The following ABR variants were observed in gnomAD, a reference collection of about 807,000 sequenced individuals.
The protein encoded by ABR is ABR activator of RhoGEF and GTPase.
ABR carries 35 observed loss-of-function variants against 107.2 expected under a neutral mutation model. The ratio of observed to expected loss-of-function variants is 0.33; its 90% confidence interval spans 0.25 to 0.43. The LOEUF (loss-of-function observed/expected upper bound fraction) is 0.43, where lower values mean the gene tolerates loss of function less well. Ranked by LOEUF, ABR falls within the 20% of genes least tolerant of loss-of-function variation. The pLI is 1.00. For synonymous variants in ABR, 498 were observed against 462.0 expected (o/e 1.08, Z -1.00); for missense variants, 815 against 1,115.2 (o/e 0.73, Z 3.83).
chr17:1,017,910 A>T (rs977797880), intron 16 of ABR, among the ~76,000 whole-genome samples: 3 of 149,530 alleles, frequency 2.0e-5, no homozygotes, highest in Non-Finnish European at 4.5e-5. Context: ...GCCTGTATTT[A>T]TTTTTCTAGA....
At chr17:1,117,081 G>T (rs2039024817) in intron 2 of ABR, among the ~76,000 whole-genome samples, 1 of 152,024 alleles carries the variant, frequency 6.6e-6, no homozygotes. Context: ...AGAAGAGGCT[G>T]CAGTTCCTCC....
chr17:1,137,993 T>C (rs1428824591), intron 1 of ABR, among the ~76,000 whole-genome samples: 1 of 151,348 alleles, frequency 6.6e-6, no homozygotes, highest in Non-Finnish European at 1.5e-5. Context: ...CTCCGCCTCC[T>C]GGGTTCAAGC....
rs2070011043 is a variant in ABR, at chr17:1,006,133, T to C, written c.2527A>G (p.Ile843Val). The stretch of plus-strand genomic sequence containing the variant: ...TTCCGCTTGAGTTCTGCGAAGGAAA[T>C]GGGGGGGTGCTGCAGGTAGTAGAGG... ...VLLYYLQHPP[I>V]SFAELKRNTL... Residue 843 changes from isoleucine (I) to valine (V), a missense_variant, in exon 23 of 23, where the codon ATT (isoleucine) becomes GTT (valine). Coordinates refer to ENST00000302538, the MANE Select transcript of ABR (RefSeq NM_021962.5). 1 of 1,587,686 alleles carries C rather than the reference T, an allele frequency of 6.3e-7. No individual in the cohort carries two copies. The highest frequency in any genetic ancestry group is 8.6e-7 in the Non-Finnish European group (1 of 1,166,938).
chr17:1,058,907 G>A (rs368473099), intron 10 of ABR, 40 bp from the exon 11 acceptor site: 43 of 1,611,184 alleles, frequency 2.7e-5, no homozygotes, highest in South Asian at 3.3e-5. Flanking sequence ...CCTCACACTC[G>A]GGCCTTTCTC....
At position 1,148,444 on chromosome 17, in the gene ABR, C is replaced by T. The variant is rs75155200; in HGVS notation, c.62-23077G>A. Among the ~76,000 whole-genome samples, 5,377 of 152,190 alleles carry T rather than the reference C, an allele frequency of 0.035. 131 individuals carry two copies. Among genetic ancestry groups the T allele is most frequent in the Middle Eastern group, 0.068 (20 of 292 alleles). On this transcript the variant is annotated intron_variant, in intron 1 of 22. Transcript: ENST00000302538. This position sits in a 1 kb window ranked among gnomAD's most constrained non-coding sequence, Gnocchi z 4.9. Reference sequence around the variant, plus strand: ...GGCCAGGAGCTGGGGGCTGGAGAAACGGGGAGCTGTTGTTCAATACAGGGG... The same window carrying T: ...GGCCAGGAGCTGGGGGCTGGAGAAATGGGGAGCTGTTGTTCAATACAGGGG...
intron 1 of ABR, among the ~76,000 whole-genome samples, chr17:1,159,902 G>A (rs529888194): frequency 2.5e-4 from 38 of 152,366 alleles, no homozygotes; most frequent in African/African-American, 9.1e-4. Context: ...AGTCAGACCT[G>A]TGGGAGCCCC....
intron 2 of ABR, among the ~76,000 whole-genome samples, chr17:1,113,983 A>T (rs963901715): frequency 1.3e-5 from 2 of 151,132 alleles, no homozygotes; most frequent in East Asian, 3.9e-4. Flanking sequence ...GCTGGGCAAC[A>T]TGGCAAGACC....
At chr17:1,080,832 G>T (rs994516922) in intron 5 of ABR, among the ~76,000 whole-genome samples, 2 of 152,134 alleles carry the variant, frequency 1.3e-5, no homozygotes, top group African/African-American at 4.8e-5. Flanking sequence ...CCCAGATTTC[G>T]GGAATGTTTC....
At position 1,070,227 on chromosome 17, in the gene ABR, G is replaced by A; in HGVS notation, c.895-137C>T. 2 of 1,185,296 alleles carry A rather than the reference G, an allele frequency of 1.7e-6. No individual in the cohort carries two copies. Among genetic ancestry groups the A allele is most frequent in the Non-Finnish European group, 1.2e-6 (1 of 848,560 alleles). The allele number at this position is 1,185,296 out of a possible 1,614,324, so 73.4% of individuals were successfully genotyped here. A position where few individuals can be genotyped will look rare whatever the true frequency, so the allele number is the denominator to read the frequency against. Reference sequence around the variant, plus strand: ...GCCTGTCATCCCTTAACCAAAGGTGGTTCAAGCACTGCCTTTGGAGTCACA... The same window carrying A: ...GCCTGTCATCCCTTAACCAAAGGTGATTCAAGCACTGCCTTTGGAGTCACA... On this transcript the variant is annotated intron_variant, in intron 8 of 22. Coordinates refer to ENST00000302538, the MANE Select transcript of ABR (RefSeq NM_021962.5). The surrounding 1 kb of genome is among the most constrained non-coding windows in gnomAD (Gnocchi z 4.2).
chr17:1,058,136 C>CATT, intron 11 of ABR, 91 bp from the exon 12 acceptor site: 4 of 318,116 alleles, frequency 1.3e-5, no homozygotes, highest in Non-Finnish European at 1.7e-5. Context: ...CTCCTTTTAT[C>CATT]TTTTTTTTTT....
rs1298924074 is a variant in ABR at position 1,071,927 on chromosome 17, GGA to G, written c.894+685_894+686del. On this transcript the variant is annotated intron_variant, in intron 8 of 22. Coordinates refer to ENST00000302538, the MANE Select transcript of ABR (RefSeq NM_021962.5). This position sits in a 1 kb window ranked among gnomAD's most constrained non-coding sequence, Gnocchi z 5.1. ...GGATTGTTATTATTATTTCTGAGATGGAGTCTCACTCTGTCACCCAGGCTGGA... is the reference window on the plus strand; with the variant it reads ...GGATTGTTATTATTATTTCTGAGATGGTCTCACTCTGTCACCCAGGCTGGA... Among the ~76,000 whole-genome samples the G allele has an allele frequency of 6.6e-6, 1 of 152,156 alleles. No homozygotes were observed. Among genetic ancestry groups the G allele is most frequent in the Non-Finnish European group, 1.5e-5 (1 of 68,020 alleles).
intron 16 of ABR, among the ~76,000 whole-genome samples, chr17:1,036,386 C>T (rs955271027): frequency 6.6e-6 from 1 of 152,160 alleles, no homozygotes; most frequent in African/African-American, 2.4e-5. Context: ...CTGCCAAGAA[C>T]ACTCCCTCTC....
Position 1,011,373 on chromosome 17 carries a change from T to G in ABR, c.2101+473A>C. Reference sequence around the variant, plus strand: ...CAGTGCAGGTTTCTTGACAGTGGGGTATGTGGCTGCTGCACCTGAACCAGC... The same window carrying G: ...CAGTGCAGGTTTCTTGACAGTGGGGGATGTGGCTGCTGCACCTGAACCAGC... On this transcript the variant is annotated intron_variant, in intron 19 of 22. Transcript: ENST00000302538. This position sits in a 1 kb window ranked among gnomAD's most constrained non-coding sequence, Gnocchi z 4.8. 5.9e-6 allele frequency: 1 copy of G among 169,168 alleles called. No homozygotes were observed. The highest frequency in any genetic ancestry group is 5.7e-5 in the Admixed American group (1 of 17,422). 10.5% of individuals were successfully genotyped at this position (169,168 alleles called of 1,614,324 possible).
intron 16 of ABR, among the ~76,000 whole-genome samples, chr17:1,033,683 T>G (rs1286437033): frequency 6.6e-6 from 1 of 152,162 alleles, no homozygotes; most frequent in Non-Finnish European, 1.5e-5. Context: ...CACGCACCCC[T>G]GGACGGTGCA....
chr17:1,041,834 T>C (rs1458218586), intron 16 of ABR, among the ~76,000 whole-genome samples: 3 of 152,126 alleles, frequency 2.0e-5, no homozygotes, highest in Admixed American at 2.0e-4. Flanking sequence ...TGCGTCTGCA[T>C]TCGATGCACC....
chr17:1,186,091 C>T (rs2042290456), intron 1 of ABR, among the ~76,000 whole-genome samples: 1 of 152,224 alleles, frequency 6.6e-6, no homozygotes, highest in African/African-American at 2.4e-5. Flanking sequence ...CCCGCCTCCA[C>T]CTCCCAAAGT....
At chr17:1,213,816 G>C (rs904101208) in intron 1 of ABR, among the ~76,000 whole-genome samples, 1 of 152,190 alleles carries the variant, frequency 6.6e-6, no homozygotes, top group Admixed American at 6.5e-5. Flanking sequence ...AGACTCTATG[G>C]TTCCAAAGCG....
At chr17:1,109,239 G>C in intron 2 of ABR, 3 of 816,508 alleles carry the variant, frequency 3.7e-6, no homozygotes, top group Non-Finnish European at 5.1e-6. Flanking sequence ...CCGCTCCGCC[G>C]CCGCCGCCGC....
Position 1,014,851 on chromosome 17 carries a change from A to AAAC in ABR, c.1792-1690_1792-1688dup, listed in dbSNP as rs983616440. On this transcript the variant is annotated intron_variant, in intron 16 of 22. Coordinates refer to ENST00000302538, the MANE Select transcript of ABR (RefSeq NM_021962.5). Reference sequence around the variant, plus strand: ...ACAGAGTGAGACTCCGTCTCAAAAAAAACAACAACAACAAAAAACTACACA... The same window carrying AAAC: ...ACAGAGTGAGACTCCGTCTCAAAAAAAACAACAACAACAACAAAAAACTACACA... Among the ~76,000 whole-genome samples, 7 of 152,226 alleles carry AAAC rather than the reference A, an allele frequency of 4.6e-5. No individual in the cohort carries two copies. The East Asian group carries it at 7.7e-4, about 17-fold the overall frequency.
Sources: gnomAD v4.1 joint callset for allele counts (sites outside exome capture counted in the v4.1 genomes callset) on GRCh38, gnomAD v4.1.1 for gene constraint, Gnocchi (gnomAD v3.1) non-coding constraint, MANE v1.5 for transcripts, NCBI Gene and HGNC (gene_info 2026-07-23, HGNC 2026-07-21) for gene names.